Variants in NREP observed in about 807,000 individuals in gnomAD.
NREP encodes neuronal regeneration-related protein.
In NREP, 5 loss-of-function variants were observed where a neutral mutation model predicts 8.6. That is an observed-to-expected ratio of 0.58 (90% CI 0.30 to 1.22). NREP has a LOEUF of 1.22. NREP is among the 50% of genes most tolerant of loss of function. The probability of loss-of-function intolerance (pLI) is 0.07; values close to 1 mark genes in which losing one functional copy is unlikely to be tolerated. For missense variants in NREP, 86 were observed against 82.5 expected (o/e 1.04, Z -0.17); for synonymous variants, 27 against 28.0 (o/e 0.96, Z 0.11).
At chr5:111,782,901 A>G (rs1257320562) in intron 2 of NREP, among the ~76,000 whole-genome samples, 1 of 151,970 alleles carries the variant, frequency 6.6e-6, no homozygotes, top group Non-Finnish European at 1.5e-5. Context: ...AACCCGGCTA[A>G]TTTTTGTATT....
intron 2 of NREP, among the ~76,000 whole-genome samples, chr5:111,882,863 T>G (rs1347715275): frequency 6.6e-6 from 1 of 152,260 alleles, no homozygotes; most frequent in East Asian, 1.9e-4. Context: ...TACCAGCCAC[T>G]GCAAAATCAT....
chr5:111,857,037 A>G (rs1330535028), intron 2 of NREP, among the ~76,000 whole-genome samples: 2 of 152,158 alleles, frequency 1.3e-5, no homozygotes, highest in African/African-American at 2.4e-5. Context: ...TTTTATGTTT[A>G]TAGAAACATG....
chr5:111,835,764 A>G (rs1363542673), intron 2 of NREP, among the ~76,000 whole-genome samples: 1 of 152,052 alleles, frequency 6.6e-6, no homozygotes, highest in Non-Finnish European at 1.5e-5. Context: ...TATGCTGAGT[A>G]GAAGAAGACA....
At chr5:111,775,889 G>C (rs1408482333) in intron 2 of NREP, among the ~76,000 whole-genome samples, 1 of 151,914 alleles carries the variant, frequency 6.6e-6, no homozygotes, top group African/African-American at 2.4e-5. Context: ...AGGGGTGAAG[G>C]ATATTAAAAG....
intron 2 of NREP, among the ~76,000 whole-genome samples, chr5:111,894,705 A>G (rs542464972): frequency 1.3e-5 from 2 of 152,156 alleles, no homozygotes; most frequent in Non-Finnish European, 2.9e-5. Flanking sequence ...GCCCGCATGA[A>G]TTTTACTTAC....
chr5:111,862,679 C>A (rs1379433849), intron 2 of NREP, among the ~76,000 whole-genome samples: 1 of 151,896 alleles, frequency 6.6e-6, no homozygotes, highest in Non-Finnish European at 1.5e-5. Context: ...TGTACAAAGT[C>A]CTGTGCTATG....
At chr5:111,765,856 G>A (rs528263173) in intron 2 of NREP, among the ~76,000 whole-genome samples, 1 of 151,928 alleles carries the variant, frequency 6.6e-6, no homozygotes, top group African/African-American at 2.4e-5. Context: ...CATTTTCCAG[G>A]TATGAAATGG....
In NREP at chr5:111,919,976, C is replaced by T. The variant is rs375852584; in HGVS notation, c.135+55298G>A. On this transcript the variant is annotated intron_variant, in intron 2 of 3. Coordinates refer to the NREP transcript ENST00000395634. ...TGAATTAATTAATAAAAAGAATACC[C>T]CCCCCCCCCACACACACAAAGAAGT... Among the ~76,000 whole-genome samples the T allele has an allele frequency of 4.2e-4, 10 of 24,078 alleles. 1 individual carries two copies. The highest frequency in any genetic ancestry group is 2.0e-3 in the East Asian group (3 of 1,488). 15.8% of individuals were successfully genotyped at this position (24,078 alleles called of 152,430 possible).
chr5:111,860,957 G>C (rs1056161583), intron 2 of NREP, among the ~76,000 whole-genome samples: 1 of 152,108 alleles, frequency 6.6e-6, no homozygotes, highest in East Asian at 1.9e-4. Flanking sequence ...ACACAAGACT[G>C]TGTCTACTTC....
At chr5:111,825,795 G>T (rs1752608741) in intron 2 of NREP, among the ~76,000 whole-genome samples, 1 of 152,058 alleles carries the variant, frequency 6.6e-6, no homozygotes, top group Non-Finnish European at 1.5e-5. Context: ...TAACTCCATG[G>T]TGCTTGTCAG....
intron 2 of NREP, among the ~76,000 whole-genome samples, chr5:111,845,154 A>G (rs6594548): frequency 0.091 from 13,801 of 152,088 alleles, 1,295 homozygotes; most frequent in African/African-American, 0.24. Context: ...AGGTGAATTT[A>G]CATGCTTACT....
intron 2 of NREP, among the ~76,000 whole-genome samples, chr5:111,957,066 T>C (rs1756345473): frequency 6.6e-6 from 1 of 151,586 alleles, no homozygotes; most frequent in African/African-American, 2.4e-5. Context: ...TAGAGAAATA[T>C]TACAATTGTC....
intron 2 of NREP, among the ~76,000 whole-genome samples, chr5:111,806,258 C>T (rs1402831254): frequency 6.6e-6 from 1 of 152,130 alleles, no homozygotes; most frequent in Non-Finnish European, 1.5e-5. Context: ...ATACACCCAA[C>T]TATCCCTATG....
chr5:111,780,923 G>T (rs549855804), intron 2 of NREP, among the ~76,000 whole-genome samples: 13 of 152,000 alleles, frequency 8.6e-5, no homozygotes, highest in African/African-American at 4.8e-5. Flanking sequence ...AAGTTCAGGG[G>T]TATATGTGCA....
At chr5:111,813,539 A>T (rs1054231644) in intron 2 of NREP, among the ~76,000 whole-genome samples, 7 of 151,918 alleles carry the variant, frequency 4.6e-5, no homozygotes, top group African/African-American at 1.4e-4. Flanking sequence ...CCTCCTATAT[A>T]TTTTTTCTTC....
chr5:111,874,453 T>A (rs1045788663), intron 2 of NREP, among the ~76,000 whole-genome samples: 2 of 152,146 alleles, frequency 1.3e-5, no homozygotes, highest in Non-Finnish European at 2.9e-5. Flanking sequence ...TCCACTAGAG[T>A]TGTTCCTTGC....
intron 2 of NREP, among the ~76,000 whole-genome samples, chr5:111,781,452 C>T (rs187233547): frequency 6.5e-4 from 99 of 152,262 alleles, no homozygotes; most frequent in Non-Finnish European, 1.1e-3. Context: ...CAAAAGCCTT[C>T]TGACGATTCT....
chr5:111,970,005 A>G (rs1052993536), intron 2 of NREP, among the ~76,000 whole-genome samples: 4 of 152,224 alleles, frequency 2.6e-5, no homozygotes, highest in African/African-American at 9.7e-5. Flanking sequence ...ACAAAATCTA[A>G]TAATAGAATT....
intron 2 of NREP, among the ~76,000 whole-genome samples, chr5:111,876,979 G>A (rs186999997): frequency 6.6e-6 from 1 of 152,244 alleles, no homozygotes; most frequent in East Asian, 1.9e-4. Flanking sequence ...CATATGCTAA[G>A]TTGCTTCTCA....
Sources: gnomAD v4.1 joint callset for allele counts (sites outside exome capture counted in the v4.1 genomes callset) on GRCh38, gnomAD v4.1.1 for gene constraint, MANE v1.5 for transcripts, NCBI Gene and HGNC (gene_info 2026-07-23, HGNC 2026-07-21) for gene names.